C1QTNF12: variants seen among roughly 807,000 people sequenced by gnomAD.
C1QTNF12 encodes C1q and TNF related 12, also known as adipolin.
A neutral mutation model predicts 34.3 loss-of-function variants in C1QTNF12; 39 were observed. The observed-to-expected ratio is 1.14, with a 90% CI of 0.88 to 1.49. C1QTNF12 has a LOEUF of 1.49. Among genes scored for constraint, C1QTNF12 ranks in the 40% most tolerant of loss-of-function variants. C1QTNF12 has a pLI of 0.00. For synonymous variants in C1QTNF12, 220 were observed against 196.9 expected (o/e 1.12, Z -0.98); for missense variants, 497 against 424.7 (o/e 1.17, Z -1.50).
chr1:1,244,051 G>T lies in C1QTNF12; in HGVS notation c.434C>A (p.Ala145Glu). 6.3e-7 allele frequency: 1 copy of T among 1,597,420 alleles called. No individual in the cohort carries two copies. The highest frequency in any genetic ancestry group is 8.5e-7 in the Non-Finnish European group (1 of 1,172,892). The change falls in exon 4 of 8, where the codon GCG (alanine) becomes GAG (glutamate). Residue 145 changes from alanine (A) to glutamate (E), a missense_variant. Coordinates refer to ENST00000330388, the MANE Select transcript of C1QTNF12 (RefSeq NM_001014980.3). ...GLLDPLLPQG[A>E]GLRLVGEAFH... ...GGCCTCGCCCACCAGCCGCAGGCCC[G>T]CCCCCTGGGGCAGCAGCGGGTCCAG... is the stretch of plus-strand genomic sequence containing the variant.
chr1:1,244,763 C>CTCATCCCACTCCTT (rs1638841176), intron 1 of C1QTNF12: 1 of 382,758 alleles, frequency 2.6e-6, no homozygotes, highest in African/African-American at 2.6e-5. Flanking sequence ...CCCCCCACTC[C>CTCATCCCACTCCTT]TCATCCCACT....
Position 1,244,442 on chromosome 1 carries a change from A to C in C1QTNF12, c.233T>G (p.Phe78Cys). Residue 78 changes from phenylalanine to cysteine, a missense_variant, in exon 2 of 8, where the codon TTT (phenylalanine) becomes TGT (cysteine). Phe to Cys is a radical substitution (Grantham distance 205). Coordinates refer to ENST00000330388, the MANE Select transcript of C1QTNF12 (RefSeq NM_001014980.3). ...FSDAHMTWLNFVRRPDDGALR... is the reference protein window; with the variant it reads ...FSDAHMTWLNCVRRPDDGALR... ...GGCGCCGTCGTCCGGCCGCCGGACA[A>C]AGTTCAGCCATGTCATGTGGGCGTC... 6.2e-7 allele frequency: 1 copy of C among 1,611,892 alleles called. No homozygotes were observed. The highest frequency in any genetic ancestry group is 8.5e-7 in the Non-Finnish European group (1 of 1,179,530).
At chr1:1,246,953 C>CGAGAA (rs956548081), upstream of C1QTNF12, among the ~76,000 whole-genome samples, 55 of 152,208 alleles carry the variant, frequency 3.6e-4, 1 homozygote, top group African/African-American at 1.2e-3. The surrounding 1 kb of genome is among the most constrained non-coding windows in gnomAD (Gnocchi z 4.5). Context: ...CCCTCGCCTC[C>CGAGAA]TCCTCCCCAG....
At position 1,243,923 on chromosome 1, in the gene C1QTNF12, C is replaced by T. The variant is rs766849145; in HGVS notation, c.531+31G>A. 3.8e-6 allele frequency: 6 copies of T among 1,589,566 alleles called. No homozygotes were observed. The East Asian group carries it at 1.2e-4, about 31-fold the overall frequency. Reference sequence around the variant, plus strand: ...GTCTTGCCTGTGGGGCCCCACCCAACACCCCGCTCTAAGCTCCCGGCTCCA... The same window carrying T: ...GTCTTGCCTGTGGGGCCCCACCCAATACCCCGCTCTAAGCTCCCGGCTCCA... On this transcript the variant is annotated intron_variant, in intron 4 of 7. Transcript: ENST00000330388.
intron 4 of C1QTNF12, 41 bp downstream of exon 4, chr1:1,243,913 C>T (rs892423600): frequency 1.8e-5 from 28 of 1,572,556 alleles, no homozygotes; most frequent in Non-Finnish European, 2.3e-5. Context: ...GCCTGTGGGG[C>T]CCCACCCAAC....
intron 4 of C1QTNF12, 123 bp from the exon 5 acceptor site, chr1:1,243,675 G>A (rs1008127790): frequency 1.3e-5 from 11 of 868,168 alleles, no homozygotes; most frequent in Admixed American, 2.3e-5. Context: ...GGACCCTCAC[G>A]CTCACTGTGG....
Position 1,243,062 on chromosome 1 carries a change from G to T in C1QTNF12, c.731C>A (p.Thr244Lys). The change falls in exon 6 of 8, where the codon ACG becomes AAG. Residue 244 changes from threonine (T) to lysine (K), a missense_variant and splice_region_variant. Coordinates refer to ENST00000330388, the MANE Select transcript of C1QTNF12 (RefSeq NM_001014980.3). ...TGGAGCGGGGGCTGAGGTCACTCACGTGTGGCGCTGGCACAGGGACTCAAT... is the reference window on the plus strand; with the variant it reads ...TGGAGCGGGGGCTGAGGTCACTCACTTGTGGCGCTGGCACAGGGACTCAAT... ...ICIESLCQRH[T>K]CLEAVSGLES... 2 of 1,579,034 alleles carry T rather than the reference G, an allele frequency of 1.3e-6. No homozygotes were observed. Among genetic ancestry groups the T allele is most frequent in the Non-Finnish European group, 1.7e-6 (2 of 1,163,238 alleles).
At chr1:1,243,635 G>A (rs1318617461) in intron 4 of C1QTNF12, 83 bp from the exon 5 acceptor site, 88 of 1,167,818 alleles carry the variant, frequency 7.5e-5, no homozygotes, top group Middle Eastern at 5.1e-4. Flanking sequence ...GCCTGCAACC[G>A]ACAGCCCCTC....
rs2101006733 is a variant in C1QTNF12 at position 1,244,463 on chromosome 1, G to A, written c.212C>T (p.Ala71Val). 2 of 1,611,878 alleles carry A rather than the reference G, an allele frequency of 1.2e-6. No individual in the cohort carries two copies. The highest frequency in any genetic ancestry group is 2.2e-5 in the East Asian group (1 of 44,872). Residue 71 changes from alanine to valine, a missense_variant, in exon 2 of 8, where the codon GCC becomes GTC. Transcript: ENST00000330388. ...GACAAAGTTCAGCCATGTCATGTGG[G>A]CGTCGGAGAACTCAGGTCCTGAGGC... ...SQASGPEFSD[A>V]HMTWLNFVRR...
At position 1,242,650 on chromosome 1, in the gene C1QTNF12, TAAG is replaced by T. The variant is rs761727157; in HGVS notation, c.811-7_811-5del. On this transcript the variant is annotated splice_polypyrimidine_tract_variant and splice_region_variant and intron_variant, in intron 7 of 7. Coordinates refer to ENST00000330388, the MANE Select transcript of C1QTNF12 (RefSeq NM_001014980.3). ...ACACAGAAGCGTACTGTCCAGCCTG[TAAG>T]AAGCACGGGGACGTCACAACCGCAG... 4 of 1,588,642 alleles carry T rather than the reference TAAG, an allele frequency of 2.5e-6. No individual in the cohort carries two copies. Among genetic ancestry groups the T allele is most frequent in the Non-Finnish European group, 3.4e-6 (4 of 1,168,056 alleles).
rs761254031 is a variant in C1QTNF12, at chr1:1,243,977, C to A, written c.508G>T (p.Val170Leu). 71 of 1,609,546 alleles carry A rather than the reference C, an allele frequency of 4.4e-5. No homozygotes were observed. Among genetic ancestry groups the A allele is most frequent in the Non-Finnish European group, 7.6e-6 (9 of 1,178,676 alleles). The change falls in exon 4 of 8, where the codon GTG becomes TTG. Residue 170 changes from valine to leucine, a missense_variant. Transcript: ENST00000330388. Reference protein sequence around the residue: ...GPRRVDKRTLVELHGFQAPAA... With the variant: ...GPRRVDKRTLLELHGFQAPAA... Reference sequence around the variant, plus strand: ...ACAGCCTGGAAACCATGCAGCTCCACCAGCGTCCGCTTGTCCACCCGGCGG... The same window carrying A: ...ACAGCCTGGAAACCATGCAGCTCCAACAGCGTCCGCTTGTCCACCCGGCGG...
In C1QTNF12 at chr1:1,242,592, T is replaced by C; in HGVS notation, c.865A>G (p.Ile289Val). The change falls in exon 8 of 8, where the codon ATC (isoleucine) becomes GTC (valine). Residue 289 changes from isoleucine to valine, a missense_variant. By Grantham distance (29) the Ile-to-Val change is conservative. Coordinates refer to ENST00000330388, the MANE Select transcript of C1QTNF12 (RefSeq NM_001014980.3). ...VDNGSGAVLTIQAGSSFSGLL... is the reference protein window; with the variant it reads ...VDNGSGAVLTVQAGSSFSGLL... ...CCGGAGAAGCTGGAGCCCGCCTGGA[T>C]GGTGAGGACGGCCCCGGAGCCATTG... is the stretch of plus-strand genomic sequence containing the variant. 2 of 1,592,520 alleles carry C rather than the reference T, an allele frequency of 1.3e-6. No individual in the cohort carries two copies. Among genetic ancestry groups the C allele is most frequent in the East Asian group, 2.3e-5 (1 of 43,952 alleles).
chr1:1,246,884 C>T (rs1638907600), upstream of C1QTNF12, among the ~76,000 whole-genome samples: 1 of 151,992 alleles, frequency 6.6e-6, no homozygotes. This position sits in a 1 kb window ranked among gnomAD's most constrained non-coding sequence, Gnocchi z 4.5. Flanking sequence ...CCCGCTCCAG[C>T]CCCCGCTCCC....
At position 1,244,482 on chromosome 1, in the gene C1QTNF12, C is replaced by T. The variant is rs1638829441; in HGVS notation, c.193G>A (p.Gly65Arg). The change falls in exon 2 of 8, where the codon GGA (glycine) becomes AGA (arginine). Residue 65 changes from glycine to arginine, a missense_variant. By Grantham distance (125) the Gly-to-Arg change is moderately radical (BLOSUM62 -2). Coordinates refer to ENST00000330388, the MANE Select transcript of C1QTNF12 (RefSeq NM_001014980.3). ...ATGTGGGCGTCGGAGAACTCAGGTC[C>T]TGAGGCCTGGGATGGCTGAAGGGAC... ...PEAPKPSQAS[G>R]PEFSDAHMTW... 6.2e-7 allele frequency: 1 copy of T among 1,611,512 alleles called. No homozygotes were observed. Among genetic ancestry groups the T allele is most frequent in the Admixed American group, 1.7e-5 (1 of 59,952 alleles).
chr1:1,246,868 C>T, upstream of C1QTNF12: 3 of 344,806 alleles, frequency 8.7e-6, no homozygotes, highest in Middle Eastern at 8.7e-4. This position sits in a 1 kb window ranked among gnomAD's most constrained non-coding sequence, Gnocchi z 4.5. Flanking sequence ...CAGGTCCCCC[C>T]GGGGTCCCGC....
chr1:1,242,647 C>T lies in C1QTNF12; in HGVS notation c.811-1G>A, dbSNP rs1462419857. ...CAAACACAGAAGCGTACTGTCCAGC[C>T]TGTAAGAAGCACGGGGACGTCACAA... On this transcript the variant is annotated splice_acceptor_variant, in intron 7 of 7. Transcript: ENST00000330388. LOFTEE classifies it high-confidence loss of function. 1.3e-6 allele frequency: 2 copies of T among 1,589,728 alleles called. No homozygotes were observed. Among genetic ancestry groups the T allele is most frequent in the South Asian group, 2.3e-5 (2 of 88,060 alleles).
intron 1 of C1QTNF12, 125 bp from the exon 2 acceptor site, chr1:1,244,622 G>T: frequency 1.3e-6 from 1 of 747,054 alleles, no homozygotes; most frequent in Non-Finnish European, 2.3e-6. Flanking sequence ...AAGGACCCAC[G>T]GCCGCCCTTG....
chr1:1,246,741 G>C (rs1402353453), upstream of C1QTNF12: 1 of 1,200,844 alleles, frequency 8.3e-7, no homozygotes, highest in Non-Finnish European at 1.0e-6. This position sits in a 1 kb window ranked among gnomAD's most constrained non-coding sequence, Gnocchi z 4.5. Flanking sequence ...CCAGGGCGCA[G>C]TCATGGGGAC....
intron 4 of C1QTNF12, 65 bp downstream of exon 4, chr1:1,243,889 T>G: frequency 6.5e-7 from 1 of 1,527,366 alleles, no homozygotes; most frequent in East Asian, 2.5e-5. Context: ...AGGCGGTGTG[T>G]GTGGTCCCGT....
Sources: allele counts gnomAD v4.1 joint callset (sites outside exome capture counted in the v4.1 genomes callset), GRCh38; gene constraint gnomAD v4.1.1; non-coding constraint Gnocchi (gnomAD v3.1); transcripts MANE v1.5; gene names NCBI Gene and HGNC (gene_info 2026-07-23, HGNC 2026-07-21).